Variants in MYCBPAP observed in about 807,000 individuals in gnomAD.
The protein encoded by MYCBPAP is MYCBP associated protein.
MYCBPAP carries 60 observed loss-of-function variants against 106.1 expected under a neutral mutation model. The ratio of observed to expected loss-of-function variants is 0.57; its 90% CI spans 0.46 to 0.70. The LOEUF is 0.70. MYCBPAP is among the 30% of genes least tolerant of loss of function. MYCBPAP has a pLI of 0.00. For synonymous variants in MYCBPAP, 407 were observed against 440.6 expected, an observed-to-expected ratio of 0.92 and a Z score of 0.95; for missense variants, 1,064 against 1,169.3, an observed-to-expected ratio of 0.91 and a Z score of 1.31.
rs943282908 is a variant in MYCBPAP at position 50,525,228 on chromosome 17, A to C, written c.1782+205A>C. Reference sequence around the variant, plus strand: ...TGCGCATGCGAGGGATGGAAATTGTACACTCCTTATGAGAATCTAACTAAT... The same window carrying C: ...TGCGCATGCGAGGGATGGAAATTGTCCACTCCTTATGAGAATCTAACTAAT... On this transcript the variant is annotated intron_variant, in intron 13 of 18. Transcript: ENST00000323776. 43 of 566,730 alleles carry C rather than the reference A, an allele frequency of 7.6e-5. 1 individual carries two copies. The highest frequency in any genetic ancestry group is 5.6e-4 in the East Asian group (18 of 32,010). 35.1% of individuals were successfully genotyped at this position (566,730 alleles called of 1,614,324 possible).
At chr17:50,515,100 T>G (rs1052509385) in intron 1 of MYCBPAP, among the ~76,000 whole-genome samples, 1 of 152,198 alleles carries the variant, frequency 6.6e-6, no homozygotes, top group South Asian at 2.1e-4. Flanking sequence ...TTTGCCACTA[T>G]GCCTCTTTAT....
intron 14 of MYCBPAP, among the ~76,000 whole-genome samples, 154 bp downstream of exon 14, chr17:50,526,421 T>TTTATTTATTTAA (rs1289092215): frequency 1.3e-4 from 19 of 151,194 alleles, no homozygotes; most frequent in Admixed American, 1.1e-3. Flanking sequence ...TATCTATTTA[T>TTTATTTATTTAA]TTATTTATTT....
At chr17:50,525,132 C>A in intron 13 of MYCBPAP, 109 bp downstream of exon 13, 1 of 1,344,728 alleles carries the variant, frequency 7.4e-7, no homozygotes, top group Non-Finnish European at 1.0e-6. Context: ...AGCATTACTG[C>A]CTGAGCTCTG....
chr17:50,521,212 A>C lies in MYCBPAP; in HGVS notation c.1019A>C (p.Asp340Ala). 6.2e-7 allele frequency: 1 copy of C among 1,612,356 alleles called. No homozygotes were observed. Among genetic ancestry groups the C allele is most frequent in the Non-Finnish European group, 8.5e-7 (1 of 1,179,316 alleles). ...CTGCAGAGAATCATGGAAGAGCTGG[A>C]TTTCAGCCAGCAGGTTGGTATGGCC... ...KELQRIMEEL[D>A]FSQQDIDGLE... The change falls in exon 8 of 19, where the codon GAT (aspartate) becomes GCT (alanine). Residue 340 changes from aspartate (D) to alanine (A), a missense_variant. By Grantham distance (126) the Asp-to-Ala change is moderately radical. Coordinates refer to ENST00000323776, the MANE Select transcript of MYCBPAP (RefSeq NM_032133.6).
upstream of MYCBPAP, chr17:50,508,295 C>T: frequency 2.3e-6 from 1 of 428,488 alleles, no homozygotes; most frequent in Non-Finnish European, 4.1e-6. Flanking sequence ...GGGTCATGCA[C>T]CCCTACCAGC....
intron 1 of MYCBPAP, among the ~76,000 whole-genome samples, chr17:50,515,396 C>A (rs1034748785): frequency 2.5e-5 from 3 of 120,120 alleles, no homozygotes; most frequent in African/African-American, 8.8e-5. Context: ...CTTAAACAAT[C>A]TTTATTAAAT....
chr17:50,511,630 G>C (rs994752913), intron 1 of MYCBPAP, among the ~76,000 whole-genome samples: 2 of 152,180 alleles, frequency 1.3e-5, no homozygotes, highest in African/African-American at 4.8e-5. Context: ...GCTCCGACAA[G>C]AGACTGACTA....
chr17:50,518,467 C>A, intron 4 of MYCBPAP, 74 bp from the exon 5 acceptor site: 1 of 1,354,038 alleles, frequency 7.4e-7, no homozygotes, highest in Non-Finnish European at 9.9e-7. Flanking sequence ...CGGGTTTAGG[C>A]CTCGGGAAAT....
At chr17:50,530,323 G>A (rs539738165) in intron 18 of MYCBPAP, 6 of 276,274 alleles carry the variant, frequency 2.2e-5, no homozygotes, top group East Asian at 1.1e-4. Context: ...GTAAGATCCC[G>A]TTTCTACTAA....
At chr17:50,518,745 T>C (rs2034147399) in intron 5 of MYCBPAP, 21 bp downstream of exon 5, 6 of 1,555,746 alleles carry the variant, frequency 3.9e-6, no homozygotes, top group Non-Finnish European at 5.2e-6. Context: ...CAGACAGGGC[T>C]CCCGCCCGGC....
intron 18 of MYCBPAP, chr17:50,529,485 G>A (rs957868485): frequency 2.5e-6 from 1 of 398,538 alleles, no homozygotes. Flanking sequence ...TAGACGTCCA[G>A]TAAAGAGTGC....
intron 10 of MYCBPAP, chr17:50,522,709 A>AAAAATAT: frequency 2.0e-5 from 1 of 50,016 alleles, no homozygotes; most frequent in African/African-American, 1.2e-4. Context: ...AAAAAAAAAA[A>AAAAATAT]ATATATATAT....
At chr17:50,519,124 G>GTAGTGT in intron 6 of MYCBPAP, 35 bp downstream of exon 6, 1 of 1,512,490 alleles carries the variant, frequency 6.6e-7, no homozygotes, top group Admixed American at 1.7e-5. Flanking sequence ...CGGGGGCAGG[G>GTAGTGT]GGGTCCATGG....
At position 50,518,571 on chromosome 17, in the gene MYCBPAP, C is replaced by A; in HGVS notation, c.499C>A (p.Leu167Met). The change falls in exon 5 of 19, where the codon CTG becomes ATG. Residue 167 changes from leucine (L) to methionine (M), a missense_variant. Physicochemically the swap from Leu to Met is conservative, Grantham distance 15 (BLOSUM62 2). Coordinates refer to ENST00000323776, the MANE Select transcript of MYCBPAP (RefSeq NM_032133.6). ...LAERIPTSPC[L>M]MTLISAEGES... is the part of the protein sequence containing the mutation. ...TGAGCGGATACCTACCTCACCCTGT[C>A]TGATGACCCTCATCTCTGCTGAAGG... The A allele has an allele frequency of 6.3e-7, 1 of 1,597,786 alleles. No homozygotes were observed.
intron 6 of MYCBPAP, 40 bp downstream of exon 6, chr17:50,519,129 C>CCAG: frequency 7.0e-7 from 1 of 1,435,054 alleles, no homozygotes; most frequent in East Asian, 2.4e-5. Flanking sequence ...GCAGGGGGGT[C>CCAG]CATGGAGGAG....
chr17:50,517,840 C>T (rs2034110255), intron 4 of MYCBPAP, 142 bp downstream of exon 4: 4 of 676,310 alleles, frequency 5.9e-6, no homozygotes, highest in South Asian at 1.8e-5. Context: ...GGACCCTCTC[C>T]CAGAATAGTT....
At position 50,526,631 on chromosome 17, in the gene MYCBPAP, G is replaced by A. The variant is rs560253959; in HGVS notation, c.2169+364G>A. ...GGAATCTTGCTGTGTTGCCCAGGCT[G>A]GAGTGCAGTGGTGCAATTTTGGCTC... is the stretch of plus-strand genomic sequence containing the variant. On this transcript the variant is annotated intron_variant, in intron 14 of 18. Transcript: ENST00000323776. Among the ~76,000 whole-genome samples the A allele has an allele frequency of 2.6e-5, 4 of 152,182 alleles. No individual in the cohort carries two copies. In the South Asian group the frequency reaches 6.2e-4, roughly 24 times the overall value.
At chr17:50,517,090 A>G (rs2034079217) in intron 2 of MYCBPAP, among the ~76,000 whole-genome samples, 1 of 151,414 alleles carries the variant, frequency 6.6e-6, no homozygotes, top group Non-Finnish European at 1.5e-5. Context: ...GAGGCATAAG[A>G]TGTTCTTTTT....
In MYCBPAP at chr17:50,529,148, C is replaced by T. The variant is rs1597851207; in HGVS notation, c.2684C>T (p.Pro895Leu). ...CTCTCTTCTCAAGAACCCATAGACC[C>T]CCTGGTCATGGGGAAATACACCCAG... is the stretch of plus-strand genomic sequence containing the variant. ...IILSSQEPID[P>L]LVMGKYTQSL... Residue 895 changes from proline (P) to leucine (L), a missense_variant, in exon 18 of 19, where the codon CCC (proline) becomes CTC (leucine). Pro to Leu is a moderately conservative substitution (Grantham distance 98). Coordinates refer to ENST00000323776, the MANE Select transcript of MYCBPAP (RefSeq NM_032133.6). The T allele has an allele frequency of 1.9e-6, 3 of 1,613,564 alleles. No homozygotes were observed. Among genetic ancestry groups the T allele is most frequent in the Non-Finnish European group, 2.5e-6 (3 of 1,180,024 alleles).
Sources: gnomAD v4.1 joint callset for allele counts (sites outside exome capture counted in the v4.1 genomes callset) on GRCh38, gnomAD v4.1.1 for gene constraint, MANE v1.5 for transcripts, NCBI Gene and HGNC (gene_info 2026-07-23, HGNC 2026-07-21) for gene names.